QSER1: variants seen among roughly 807,000 people sequenced by gnomAD.
The protein encoded by QSER1 is glutamine and serine-rich protein 1.
A neutral mutation model predicts 158.5 loss-of-function variants in QSER1; 49 were observed. The ratio of observed to expected loss-of-function variants is 0.31; its 90% CI spans 0.25 to 0.39. The LOEUF (loss-of-function observed/expected upper bound fraction) is 0.39, where lower values mean the gene tolerates loss of function less well. Among genes scored for constraint, QSER1 ranks in the 10% least tolerant of loss-of-function variants. The pLI is 1.00. For missense variants in QSER1, 1,754 were observed against 2,010.3 expected (o/e 0.87, Z 2.44); for synonymous variants, 650 against 715.5 (o/e 0.91, Z 1.46).
intron 10 of QSER1, among the ~76,000 whole-genome samples, chr11:32,969,744 G>T (rs1329746036): frequency 6.7e-6 from 1 of 149,846 alleles, no homozygotes; most frequent in Non-Finnish European, 1.5e-5. Flanking sequence ...CATTGCAGTG[G>T]CACAACCTTG....
In QSER1 at chr11:32,933,568, A is replaced by G. The variant is rs746975299; in HGVS notation, c.2310A>G (p.Gln770=). The G allele has an allele frequency of 2.5e-6, 4 of 1,614,020 alleles. No homozygotes were observed. Among genetic ancestry groups the G allele is most frequent in the South Asian group, 2.2e-5 (2 of 91,056 alleles). ...KEESVVGSVT[Q]LNQQIGQVNN... is the part of the protein sequence containing the mutation. ...AAAGTGTTGTTGGTTCAGTGACACA[A>G]CTTAACCAACAAATTGGCCAAGTCA... is the stretch of plus-strand genomic sequence containing the variant. The change falls in exon 4 of 13, where the codon CAA becomes CAG. Residue 770 remains glutamine (Q), a synonymous_variant. Transcript: ENST00000650167.
At position 32,976,343 on chromosome 11, in the gene QSER1, G is replaced by A; in HGVS notation, c.5464G>A (p.Val1822Met). The A allele has an allele frequency of 3.2e-6, 5 of 1,583,892 alleles. No homozygotes were observed. Among genetic ancestry groups the A allele is most frequent in the Non-Finnish European group, 4.3e-6 (5 of 1,171,158 alleles). ...YLICKDEISS[V>M]QKKNEDLGQE... ...GATTTTCTTTTTTTAGATTTCTTCGGTGCAGAAAAAAAATGAAGATTTAGG... is the reference window on the plus strand; with the variant it reads ...GATTTTCTTTTTTTAGATTTCTTCGATGCAGAAAAAAAATGAAGATTTAGG... Residue 1822 changes from valine to methionine, a missense_variant, in exon 13 of 13, where the codon GTG (valine) becomes ATG (methionine). Transcript: ENST00000650167.
chr11:32,895,104 A>G (rs1384385506), intron 1 of QSER1, among the ~76,000 whole-genome samples: 2 of 152,180 alleles, frequency 1.3e-5, no homozygotes, highest in East Asian at 1.9e-4. Context: ...TACTTGTCAT[A>G]TTTTCCAAAT....
rs921305345 is a variant in QSER1, at chr11:32,978,099, A to G, written c.*1625A>G. ...ATTTATTTCTGATGGTTATCTTATT[A>G]AAAGCAATAATCCTTAATACTGTAC... is the stretch of plus-strand genomic sequence containing the variant. On this transcript the variant is annotated 3_prime_UTR_variant, in exon 13 of 13. Coordinates refer to ENST00000650167, the MANE Select transcript of QSER1 (RefSeq NM_001076786.3). The G allele has an allele frequency of 2.0e-5, 3 of 152,654 alleles. No homozygotes were observed. The highest frequency in any genetic ancestry group is 4.4e-5 in the Non-Finnish European group (3 of 68,018). 9.5% of individuals were successfully genotyped at this position (152,654 alleles called of 1,614,324 possible).
Position 32,977,900 on chromosome 11 carries a change from A to G in QSER1, c.*1426A>G, listed in dbSNP as rs1451832587. 6.6e-6 allele frequency: 1 copy of G among 152,612 alleles called. No individual in the cohort carries two copies. The highest frequency in any genetic ancestry group is 2.4e-5 in the African/African-American group (1 of 41,448). The allele number at this position is 152,612 out of a possible 1,614,324, so 9.5% of individuals were successfully genotyped here. On this transcript the variant is annotated 3_prime_UTR_variant, in exon 13 of 13. Coordinates refer to ENST00000650167, the MANE Select transcript of QSER1 (RefSeq NM_001076786.3). The stretch of plus-strand genomic sequence containing the variant: ...ATCAAGAAAGCAGTGTTACTGCTCA[A>G]TGCCCAAATAAGACACGCGGATATT...
intron 10 of QSER1, among the ~76,000 whole-genome samples, chr11:32,973,002 C>T (rs1852898105): frequency 6.6e-6 from 1 of 152,198 alleles, no homozygotes; most frequent in Non-Finnish European, 1.5e-5. Context: ...TTTAGTGAAA[C>T]ATGTATGTCT....
intron 4 of QSER1, 68 bp downstream of exon 4, chr11:32,935,503 T>C (rs1386330943): frequency 8.1e-7 from 1 of 1,229,388 alleles, no homozygotes; most frequent in East Asian, 2.4e-5. Flanking sequence ...GCCCACATTT[T>C]AAGCTTTTTT....
chr11:32,967,332 G>A (rs1007532456), intron 9 of QSER1, among the ~76,000 whole-genome samples: 1 of 151,968 alleles, frequency 6.6e-6, no homozygotes, highest in Non-Finnish European at 1.5e-5. Context: ...AAGGGGAGAG[G>A]GTGAGAAAGG....
Position 32,978,735 on chromosome 11 carries a change from A to C in QSER1, c.*2261A>C, listed in dbSNP as rs1853018685. On this transcript the variant is annotated 3_prime_UTR_variant, in exon 13 of 13. Coordinates refer to ENST00000650167, the MANE Select transcript of QSER1 (RefSeq NM_001076786.3). ...GGCCAAGTCTATGATACTGCCTCAAAGAGACCCTATTGTGTAGATGCATCA... is the reference window on the plus strand; with the variant it reads ...GGCCAAGTCTATGATACTGCCTCAACGAGACCCTATTGTGTAGATGCATCA... The C allele has an allele frequency of 6.6e-6, 1 of 152,252 alleles. No homozygotes were observed. Among genetic ancestry groups the C allele is most frequent in the African/African-American group, 2.4e-5 (1 of 41,474 alleles). 9.4% of individuals were successfully genotyped at this position (152,252 alleles called of 1,614,324 possible).
intron 1 of QSER1, chr11:32,926,172 G>T (rs1340037607): frequency 6.6e-6 from 1 of 151,284 alleles, no homozygotes; most frequent in African/African-American, 2.4e-5. Context: ...GGGATTAGGG[G>T]TTGGGTGAAG....
Position 32,934,180 on chromosome 11 carries a change from A to T in QSER1, c.2922A>T (p.Arg974Ser), listed in dbSNP as rs1467111159. 7.4e-6 allele frequency: 12 copies of T among 1,613,950 alleles called. No individual in the cohort carries two copies. Among genetic ancestry groups the T allele is most frequent in the Non-Finnish European group, 1.0e-5 (12 of 1,180,020 alleles). The change falls in exon 4 of 13, where the codon AGA becomes AGT. Residue 974 changes from arginine to serine, a missense_variant. By Grantham distance (110) the Arg-to-Ser change is moderately radical (BLOSUM62 -1). Transcript: ENST00000650167. Reference protein sequence around the residue: ...FPEAVLLSDERNILSNVDDIL... With the variant: ...FPEAVLLSDESNILSNVDDIL... Reference sequence around the variant, plus strand: ...AGGCAGTGCTTCTTAGTGATGAAAGAAATATTTTATCAAATGTAGATGATA... The same window carrying T: ...AGGCAGTGCTTCTTAGTGATGAAAGTAATATTTTATCAAATGTAGATGATA...
chr11:32,911,013 G>C (rs1470345116), intron 1 of QSER1, among the ~76,000 whole-genome samples: 2 of 152,220 alleles, frequency 1.3e-5, no homozygotes, highest in Admixed American at 1.3e-4. Context: ...AGCTGTGCTT[G>C]ATTTATTATT....
chr11:32,971,774 C>CGTTTCGGGTACA (rs1852862891), intron 10 of QSER1, among the ~76,000 whole-genome samples: 2 of 151,952 alleles, frequency 1.3e-5, no homozygotes, highest in Admixed American at 1.3e-4. Flanking sequence ...AAAAAGGTAC[C>CGTTTCGGGTACA]GTTTTCGGGA....
intron 7 of QSER1, among the ~76,000 whole-genome samples, chr11:32,957,237 G>A (rs2063974027): frequency 6.6e-6 from 1 of 150,648 alleles, no homozygotes; most frequent in Admixed American, 6.6e-5. Flanking sequence ...CACCTCCCGG[G>A]TTCAAGCGAT....
At chr11:32,909,753 T>C (rs974444595) in intron 1 of QSER1, among the ~76,000 whole-genome samples, 12 of 152,144 alleles carry the variant, frequency 7.9e-5, no homozygotes, top group Admixed American at 5.2e-4. Flanking sequence ...AAACTCTAGA[T>C]CCTTTAACAT....
In QSER1 at chr11:32,976,558, T is replaced by G; in HGVS notation, c.*84T>G. On this transcript the variant is annotated 3_prime_UTR_variant, in exon 13 of 13. Coordinates refer to ENST00000650167, the MANE Select transcript of QSER1 (RefSeq NM_001076786.3). ...TCAAAGATAATCAGATGTCAAGTAG[T>G]GGCCTTCTGCAGGCCGGCCGCTTCC... 1 of 1,462,836 alleles carries G rather than the reference T, an allele frequency of 6.8e-7. No homozygotes were observed. The allele number at this position is 1,462,836 out of a possible 1,614,324, so 90.6% of individuals were successfully genotyped here. A position where few individuals can be genotyped will look rare whatever the true frequency, so the allele number is the denominator to read the frequency against.
intron 1 of QSER1, among the ~76,000 whole-genome samples, chr11:32,894,968 G>C (rs953951007): frequency 6.6e-6 from 1 of 152,192 alleles, no homozygotes; most frequent in Admixed American, 6.5e-5. Context: ...TCATTGAACA[G>C]CATGATAGGT....
intron 4 of QSER1, among the ~76,000 whole-genome samples, chr11:32,948,076 A>C (rs1399363260): frequency 6.6e-6 from 1 of 152,248 alleles, no homozygotes; most frequent in Non-Finnish European, 1.5e-5. Context: ...CCCTGGGTAC[A>C]GTGCAGCCGT....
At chr11:32,947,475 TTA>T (rs2133573088) in intron 4 of QSER1, among the ~76,000 whole-genome samples, 1 of 152,300 alleles carries the variant, frequency 6.6e-6, no homozygotes, top group South Asian at 2.1e-4. Flanking sequence ...AAGAAAATGT[TTA>T]TATGTGTGTA....
Sources: allele counts gnomAD v4.1 joint callset (sites outside exome capture counted in the v4.1 genomes callset), GRCh38; gene constraint gnomAD v4.1.1; transcripts MANE v1.5; gene names NCBI Gene and HGNC (gene_info 2026-07-23, HGNC 2026-07-21).